ANKRD27: variants seen among roughly 807,000 people sequenced by gnomAD.
ANKRD27 encodes ankyrin repeat domain 27, also known as ankyrin repeat domain-containing protein 27.
A neutral mutation model predicts 129.7 loss-of-function variants in ANKRD27; 112 were observed. That is an observed-to-expected ratio of 0.86 (90% confidence interval 0.74 to 1.01). The LOEUF (loss-of-function observed/expected upper bound fraction) is 1.01. Ranked by LOEUF, ANKRD27 falls within the 50% of genes least tolerant of loss-of-function variation. The pLI, the probability that ANKRD27 is intolerant of heterozygous loss-of-function variation, is 0.00. For missense variants in ANKRD27, 1,258 were observed against 1,300.5 expected (o/e 0.97, Z 0.50); for synonymous variants, 516 against 511.2 (o/e 1.01, Z -0.13).
Position 32,628,167 on chromosome 19 carries a change from T to G in ANKRD27, c.1338-2A>C, listed in dbSNP as rs762594874. The G allele has an allele frequency of 6.2e-7, 1 of 1,613,398 alleles. No individual in the cohort carries two copies. The highest frequency in any genetic ancestry group is 8.5e-7 in the Non-Finnish European group (1 of 1,179,302). On this transcript the variant is annotated splice_acceptor_variant, in intron 14 of 28. Transcript: ENST00000306065. LOFTEE classifies it high-confidence loss of function. ...ACAACTGAGGGATCATTCAACCTCC[T>G]AAAATACAGAAAGAGATAGAAAACT...
intron 2 of ANKRD27, among the ~76,000 whole-genome samples, chr19:32,651,379 C>CT (rs1408026934): frequency 2.0e-4 from 30 of 151,240 alleles, no homozygotes; most frequent in East Asian, 2.0e-3. Context: ...GCAGGAACTT[C>CT]TTTTTTTTTG....
At chr19:32,613,683 A>G (rs1359206360) in intron 22 of ANKRD27, among the ~76,000 whole-genome samples, 3 of 150,660 alleles carry the variant, frequency 2.0e-5, no homozygotes, top group Non-Finnish European at 4.4e-5. Flanking sequence ...AAAGGATTGT[A>G]TACTGTGATT....
intron 6 of ANKRD27, 38 bp from the exon 7 acceptor site, chr19:32,643,522 T>G (rs781506294): frequency 1.2e-6 from 2 of 1,613,738 alleles, no homozygotes; most frequent in Non-Finnish European, 8.5e-7. Flanking sequence ...GGGCTTGGAT[T>G]TGCATGGGGG....
chr19:32,674,048 TAC>T (rs879269604), intron 1 of ANKRD27, among the ~76,000 whole-genome samples: 37 of 151,524 alleles, frequency 2.4e-4, no homozygotes, highest in Admixed American at 3.3e-4. Flanking sequence ...TCCCAGCTAC[TAC>T]AGAGGCTGAG....
chr19:32,623,193 C>T (rs1179208141), intron 17 of ANKRD27, among the ~76,000 whole-genome samples: 1 of 152,140 alleles, frequency 6.6e-6, no homozygotes, highest in African/African-American at 2.4e-5. Flanking sequence ...CTACAGCAGG[C>T]CTGAGACTGC....
At chr19:32,625,480 G>A (rs917665067) in intron 17 of ANKRD27, among the ~76,000 whole-genome samples, 1 of 149,846 alleles carries the variant, frequency 6.7e-6, no homozygotes, top group Non-Finnish European at 1.5e-5. Flanking sequence ...ACCCAGGATG[G>A]AGTACAATGG....
intron 21 of ANKRD27, among the ~76,000 whole-genome samples, chr19:32,617,289 A>G (rs1322087464): frequency 1.3e-5 from 2 of 152,146 alleles, no homozygotes; most frequent in Non-Finnish European, 2.9e-5. Flanking sequence ...CACACCTGTA[A>G]TCCAAGTACT....
At chr19:32,631,852 C>T (rs1278236337) in intron 12 of ANKRD27, among the ~76,000 whole-genome samples, 2 of 152,210 alleles carry the variant, frequency 1.3e-5, no homozygotes, top group African/African-American at 4.8e-5. Context: ...AAGCCTCTGA[C>T]CAAATGCCTG....
chr19:32,607,109 C>T (rs1412561492), intron 23 of ANKRD27, among the ~76,000 whole-genome samples: 5 of 146,222 alleles, frequency 3.4e-5, no homozygotes, highest in African/African-American at 1.0e-4. Flanking sequence ...TGCACTCCCA[C>T]GCTCCAGCCT....
At chr19:32,625,587 C>T (rs1406040866) in intron 17 of ANKRD27, among the ~76,000 whole-genome samples, 4 of 151,866 alleles carry the variant, frequency 2.6e-5, no homozygotes, top group Non-Finnish European at 4.4e-5. Context: ...CCCGCCACCA[C>T]GCCCTGCTAA....
intron 12 of ANKRD27, chr19:32,638,509 A>G (rs545576124): frequency 2.6e-5 from 4 of 152,432 alleles, no homozygotes; most frequent in African/African-American, 9.6e-5. Flanking sequence ...GAGCTGTAAC[A>G]TAAAGAGAGC....
intron 22 of ANKRD27, among the ~76,000 whole-genome samples, chr19:32,608,064 C>T (rs1325418240): frequency 6.6e-6 from 1 of 151,828 alleles, no homozygotes; most frequent in East Asian, 1.9e-4. Flanking sequence ...GCAGTGGCAC[C>T]ACCATCATGG....
intron 23 of ANKRD27, among the ~76,000 whole-genome samples, chr19:32,606,939 C>CAAAAAAAAAAAAAAAAAAA (rs532062312): frequency 6.1e-5 from 4 of 65,650 alleles, no homozygotes; most frequent in African/African-American, 1.2e-4. Context: ...CCCATCTCCA[C>CAAAAAAAAAAAAAAAAAAA]AAAAAAAAAA....
intron 1 of ANKRD27, among the ~76,000 whole-genome samples, chr19:32,664,636 A>G (rs1209405273): frequency 5.5e-5 from 8 of 144,322 alleles, no homozygotes; most frequent in African/African-American, 2.0e-4. Context: ...TAATAATAAT[A>G]ATAATAATAA....
chr19:32,627,723 T>C (rs1221129833), intron 15 of ANKRD27, among the ~76,000 whole-genome samples: 4 of 152,128 alleles, frequency 2.6e-5, no homozygotes, highest in African/African-American at 7.2e-5. Flanking sequence ...AAGACAATAA[T>C]AATATTTTTT....
intron 25 of ANKRD27, among the ~76,000 whole-genome samples, chr19:32,602,619 G>A (rs1385091913): frequency 6.6e-6 from 1 of 151,960 alleles, no homozygotes; most frequent in East Asian, 1.9e-4. Flanking sequence ...AAGGCCAGGC[G>A]CGATGGCTCA....
In ANKRD27 at chr19:32,619,393, G is replaced by C. The variant is rs377313168; in HGVS notation, c.1888-14C>G. On this transcript the variant is annotated splice_polypyrimidine_tract_variant and intron_variant, in intron 19 of 28. Coordinates refer to ENST00000306065, the MANE Select transcript of ANKRD27 (RefSeq NM_032139.3). ...CTGCACAGGGGCCTGCAGCCAAGGA[G>C]CCCCAACGAGAGAGAGGACAGGACA... The C allele has an allele frequency of 1.4e-5, 22 of 1,613,556 alleles. No homozygotes were observed. Among genetic ancestry groups the C allele is most frequent in the African/African-American group, 6.7e-5 (5 of 74,938 alleles).
chr19:32,604,685 G>A (rs1568395374), intron 24 of ANKRD27, among the ~76,000 whole-genome samples: 1 of 152,060 alleles, frequency 6.6e-6, no homozygotes, highest in Non-Finnish European at 1.5e-5. Flanking sequence ...AATCACTATG[G>A]TATATCCATA....
chr19:32,604,114 C>T lies in ANKRD27; in HGVS notation c.2655+149G>A, dbSNP rs553210902. ...AGACTGAGGACCAGCCATCTACCCACGCTGTGGACTTCTGGCACACCAACT... is the reference window on the plus strand; with the variant it reads ...AGACTGAGGACCAGCCATCTACCCATGCTGTGGACTTCTGGCACACCAACT... On this transcript the variant is annotated intron_variant, in intron 25 of 28. Transcript: ENST00000306065. 17 of 790,942 alleles carry T rather than the reference C, an allele frequency of 2.1e-5. 1 individual carries two copies. Among genetic ancestry groups the T allele is most frequent in the African/African-American group, 1.0e-4 (6 of 58,244 alleles). The allele number at this position is 790,942 out of a possible 1,614,324, so 49.0% of individuals were successfully genotyped here.
Sources: allele counts gnomAD v4.1 joint callset (sites outside exome capture counted in the v4.1 genomes callset), GRCh38; gene constraint gnomAD v4.1.1; transcripts MANE v1.5; gene names NCBI Gene and HGNC (gene_info 2026-07-23, HGNC 2026-07-21).